CCDC6: variants seen among roughly 807,000 people sequenced by gnomAD.
CCDC6 encodes the protein coiled-coil domain containing 6, also known as coiled-coil domain-containing protein 6.
A neutral mutation model predicts 56.6 loss-of-function variants in CCDC6; 20 were observed. The observed-to-expected ratio is 0.35, with a 90% confidence interval of 0.25 to 0.51. The LOEUF (loss-of-function observed/expected upper bound fraction) is 0.51. Ranked by LOEUF, CCDC6 falls within the 20% of genes least tolerant of loss-of-function variation. The probability of loss-of-function intolerance (pLI) is 0.95; values close to 1 mark genes in which losing one functional copy is unlikely to be tolerated. For synonymous variants in CCDC6, 241 were observed against 234.4 expected (o/e 1.03, Z -0.26); for missense variants, 367 against 601.1 (o/e 0.61, Z 4.07).
chr10:59,850,521 C>T (rs1223372949), intron 2 of CCDC6, among the ~76,000 whole-genome samples: 2 of 152,196 alleles, frequency 1.3e-5, no homozygotes, highest in Non-Finnish European at 2.9e-5. Context: ...CACCTTCATA[C>T]TACGCCCTTT....
chr10:59,821,083 A>C (rs1266121664), intron 3 of CCDC6, among the ~76,000 whole-genome samples: 1 of 152,196 alleles, frequency 6.6e-6, no homozygotes, highest in Non-Finnish European at 1.5e-5. Flanking sequence ...CACCTGAGAA[A>C]ATATAAGTAC....
intron 2 of CCDC6, among the ~76,000 whole-genome samples, chr10:59,842,555 G>A (rs1379948062): frequency 2.0e-5 from 3 of 152,006 alleles, no homozygotes; most frequent in Non-Finnish European, 4.4e-5. Context: ...AACCCAGCAT[G>A]GTCATGGTGC....
In CCDC6 at chr10:59,789,865, A is replaced by C; in HGVS notation, c.*3052T>G. The C allele has an allele frequency of 4.7e-6, 1 of 214,190 alleles. No individual in the cohort carries two copies. The highest frequency in any genetic ancestry group is 9.3e-6 in the Non-Finnish European group (1 of 107,318). The allele number at this position is 214,190 out of a possible 1,614,324, so 13.3% of individuals were successfully genotyped here. On this transcript the variant is annotated 3_prime_UTR_variant, in exon 9 of 9. Transcript: ENST00000263102. ...CTATTTTCCTACAAGTGAACAATTA[A>C]CAAAAATTCACATTATCAATTATTT...
At chr10:59,826,269 CTT>C (rs2070787092) in intron 3 of CCDC6, among the ~76,000 whole-genome samples, 1 of 152,198 alleles carries the variant, frequency 6.6e-6, no homozygotes, top group African/African-American at 2.4e-5. Flanking sequence ...CTTCACAGCT[CTT>C]TTTCTGTTCT....
chr10:59,855,058 G>A (rs753593853), intron 1 of CCDC6, among the ~76,000 whole-genome samples: 7 of 152,170 alleles, frequency 4.6e-5, no homozygotes, highest in Non-Finnish European at 1.0e-4. Context: ...AAAGTGAAGT[G>A]GACTCAGAGA....
At chr10:59,903,977 T>C (rs1270070849) in intron 1 of CCDC6, among the ~76,000 whole-genome samples, 1 of 152,222 alleles carries the variant, frequency 6.6e-6, no homozygotes, top group Non-Finnish European at 1.5e-5. Flanking sequence ...GTTTTCTGCA[T>C]TTATCATTCA....
chr10:59,902,896 A>G (rs1321676088), intron 1 of CCDC6, among the ~76,000 whole-genome samples: 1 of 152,240 alleles, frequency 6.6e-6, no homozygotes, highest in Non-Finnish European at 1.5e-5. Flanking sequence ...CAGCAGCTTT[A>G]TTCATAATTG....
chr10:59,802,523 A>C (rs938134053), intron 7 of CCDC6, among the ~76,000 whole-genome samples: 7 of 152,242 alleles, frequency 4.6e-5, no homozygotes, highest in African/African-American at 1.7e-4. Context: ...GAATAGAGTA[A>C]TTCTGCTGCC....
intron 2 of CCDC6, among the ~76,000 whole-genome samples, chr10:59,844,002 A>C (rs2070966342): frequency 6.6e-6 from 1 of 152,142 alleles, no homozygotes; most frequent in Non-Finnish European, 1.5e-5. Flanking sequence ...CCTCTGAATA[A>C]AAGCAGCCTT....
chr10:59,891,643 G>A (rs962346979), intron 1 of CCDC6, among the ~76,000 whole-genome samples: 1 of 152,198 alleles, frequency 6.6e-6, no homozygotes, highest in African/African-American at 2.4e-5. Flanking sequence ...CAACAAGAAG[G>A]TGTTCAGACA....
intron 2 of CCDC6, among the ~76,000 whole-genome samples, chr10:59,843,150 T>C (rs922213992): frequency 2.0e-5 from 3 of 152,194 alleles, no homozygotes; most frequent in African/African-American, 7.2e-5. Context: ...CCTCCGAAAG[T>C]GTTGGGATTA....
chr10:59,893,620 AT>A (rs2071440481), intron 1 of CCDC6, among the ~76,000 whole-genome samples: 6 of 17,552 alleles, frequency 3.4e-4, no homozygotes, highest in East Asian at 3.7e-3. Flanking sequence ...AAACAAATAC[AT>A]ACATACATAC....
At chr10:59,873,271 T>C (rs950886236) in intron 1 of CCDC6, among the ~76,000 whole-genome samples, 1 of 152,144 alleles carries the variant, frequency 6.6e-6, no homozygotes, top group Non-Finnish European at 1.5e-5. Context: ...GTAATCAAGC[T>C]AAGATGAGAT....
At chr10:59,862,350 C>T (rs1016237404) in intron 1 of CCDC6, among the ~76,000 whole-genome samples, 6 of 151,308 alleles carry the variant, frequency 4.0e-5, no homozygotes, top group African/African-American at 1.5e-4. Context: ...TAACCAGGCA[C>T]GGTGGTGAAC....
At chr10:59,805,562 C>T (rs1274556306) in intron 6 of CCDC6, 1 of 152,084 alleles carries the variant, frequency 6.6e-6, no homozygotes, top group African/African-American at 2.4e-5. Flanking sequence ...AAACTGGGTC[C>T]CAGATGCTAT....
intron 7 of CCDC6, among the ~76,000 whole-genome samples, chr10:59,803,491 T>C (rs2070593816): frequency 6.6e-6 from 1 of 152,172 alleles, no homozygotes; most frequent in Non-Finnish European, 1.5e-5. Context: ...TTCTCCCAAC[T>C]CTGCTGAAAA....
chr10:59,869,440 A>T (rs2071208935), intron 1 of CCDC6, among the ~76,000 whole-genome samples: 1 of 150,120 alleles, frequency 6.7e-6, no homozygotes, highest in African/African-American at 2.5e-5. Flanking sequence ...AAAAAAAAAA[A>T]ACAGAAACAA....
At chr10:59,805,819 T>C (rs769029202) in intron 6 of CCDC6, among the ~76,000 whole-genome samples, 22 of 152,236 alleles carry the variant, frequency 1.4e-4, no homozygotes, top group Non-Finnish European at 2.8e-4. Flanking sequence ...ACTTTCATTA[T>C]AGATAATCTT....
At position 59,852,722 on chromosome 10, in the gene CCDC6, GA is replaced by G; in HGVS notation, c.304-21del. 4.1e-6 allele frequency: 6 copies of G among 1,480,284 alleles called. No homozygotes were observed. Among genetic ancestry groups the G allele is most frequent in the Non-Finnish European group, 4.5e-6 (5 of 1,115,346 alleles). The allele number at this position is 1,480,284 out of a possible 1,614,324, so 91.7% of individuals were successfully genotyped here. ...GGCTTGCTGTTTAAAAAAAAAAAAGGAAAGAACAAAACAAAACACATGTTAA... is the reference window on the plus strand; with the variant it reads ...GGCTTGCTGTTTAAAAAAAAAAAAGGAAGAACAAAACAAAACACATGTTAA... On this transcript the variant is annotated intron_variant, in intron 1 of 8. Transcript: ENST00000263102.
Sources: allele counts gnomAD v4.1 joint callset (sites outside exome capture counted in the v4.1 genomes callset), GRCh38; gene constraint gnomAD v4.1.1; transcripts MANE v1.5; gene names NCBI Gene and HGNC (gene_info 2026-07-23, HGNC 2026-07-21).